The following SLC38A6 variants were observed in gnomAD, a reference collection of about 807,000 sequenced individuals.
The protein encoded by SLC38A6 is solute carrier family 38 member 6.
In SLC38A6, 73 loss-of-function variants were observed where a neutral mutation model predicts 65.0. That is an observed-to-expected ratio of 1.12 (90% CI 0.93 to 1.37). The LOEUF is 1.37. SLC38A6 is among the 40% of genes most tolerant of loss of function. The pLI is 0.00. For synonymous variants in SLC38A6, 183 were observed against 178.8 expected, an observed-to-expected ratio of 1.02 and a Z score of -0.19; for missense variants, 561 against 531.1, an observed-to-expected ratio of 1.06 and a Z score of -0.55.
At chr14:61,024,756 C>A (rs2040519973) in intron 5 of SLC38A6, among the ~76,000 whole-genome samples, 1 of 152,196 alleles carries the variant, frequency 6.6e-6, no homozygotes, top group Non-Finnish European at 1.5e-5. Context: ...TCCCAATCAT[C>A]TTCTTAGTCA....
At chr14:61,002,716 C>A (rs372235520) in intron 3 of SLC38A6, among the ~76,000 whole-genome samples, 3 of 152,074 alleles carry the variant, frequency 2.0e-5, no homozygotes, top group African/African-American at 7.2e-5. Flanking sequence ...AAATTTTCCC[C>A]GAATTTACTT....
intron 3 of SLC38A6, among the ~76,000 whole-genome samples, chr14:60,991,273 C>T (rs1209631187): frequency 6.6e-6 from 1 of 152,160 alleles, no homozygotes; most frequent in African/African-American, 2.4e-5. Context: ...ATTTATCTTC[C>T]AGTACTCCCT....
At position 60,989,560 on chromosome 14, in the gene SLC38A6, C is replaced by CA. The variant is rs796125029; in HGVS notation, c.310+4766dup. Among the ~76,000 whole-genome samples, 23 of 150,244 alleles carry CA rather than the reference C, an allele frequency of 1.5e-4. 2 individuals carry two copies. The highest frequency in any genetic ancestry group is 9.3e-4 in the Admixed American group (14 of 15,068). ...GCAACATGGTGAAACCCCATCTCTA[C>CA]AAAAAAAAATACAAAAATTTGTGTG... is the stretch of plus-strand genomic sequence containing the variant. On this transcript the variant is annotated intron_variant, in intron 3 of 15. Coordinates refer to ENST00000267488, the MANE Select transcript of SLC38A6 (RefSeq NM_153811.3).
intron 15 of SLC38A6, among the ~76,000 whole-genome samples, chr14:61,071,323 G>A (rs577526644): frequency 2.6e-5 from 4 of 152,122 alleles, no homozygotes; most frequent in South Asian, 2.1e-4. Flanking sequence ...CATTTAACTG[G>A]AATTCTGGGT....
intron 8 of SLC38A6, among the ~76,000 whole-genome samples, chr14:61,039,102 A>C (rs1268741164): frequency 6.6e-6 from 1 of 152,192 alleles, no homozygotes; most frequent in Non-Finnish European, 1.5e-5. Context: ...TTTCATAGCC[A>C]ATAGCTTAAA....
At chr14:61,029,430 T>C (rs1049840683) in intron 5 of SLC38A6, among the ~76,000 whole-genome samples, 2 of 152,116 alleles carry the variant, frequency 1.3e-5, no homozygotes, top group Non-Finnish European at 2.9e-5. Context: ...CTCTTTGTTC[T>C]TCATGGGCGT....
intron 3 of SLC38A6, among the ~76,000 whole-genome samples, chr14:60,992,734 T>C (rs930333552): frequency 9.9e-5 from 15 of 152,062 alleles, no homozygotes; most frequent in Non-Finnish European, 1.9e-4. Context: ...TTGTCCAGGA[T>C]GGAGTGCAGT....
chr14:61,055,130 A>G (rs1387179234), downstream of SLC38A6, among the ~76,000 whole-genome samples: 243 of 16,928 alleles, frequency 0.014, 2 homozygotes, highest in African/African-American at 0.037. Flanking sequence ...TTTTTTTTTT[A>G]TTATACTCTA....
At chr14:61,075,075 A>C (rs2043355652) in intron 15 of SLC38A6, among the ~76,000 whole-genome samples, 1 of 152,238 alleles carries the variant, frequency 6.6e-6, no homozygotes, top group African/African-American at 2.4e-5. Context: ...ACCACTCTGC[A>C]TAAAAGAGAA....
At chr14:60,985,432 A>G (rs2037384259) in intron 3 of SLC38A6, among the ~76,000 whole-genome samples, 1 of 152,242 alleles carries the variant, frequency 6.6e-6, no homozygotes. Context: ...ATAAAAGTAT[A>G]TGAATTATAG....
downstream of SLC38A6, chr14:61,053,013 G>A (rs1215827159): frequency 1.3e-5 from 2 of 151,774 alleles, no homozygotes; most frequent in African/African-American, 2.4e-5. Context: ...CATTAGTTAC[G>A]TTTTCTGCTC....
At chr14:61,011,938 GA>G (rs1411573731) in intron 3 of SLC38A6, among the ~76,000 whole-genome samples, 2 of 152,162 alleles carry the variant, frequency 1.3e-5, no homozygotes, top group African/African-American at 2.4e-5. Flanking sequence ...CTATTGATTG[GA>G]ATAGTTTCAG....
intron 5 of SLC38A6, among the ~76,000 whole-genome samples, chr14:61,023,590 T>TA (rs1486124093): frequency 1.2e-4 from 17 of 143,124 alleles, no homozygotes; most frequent in Admixed American, 8.5e-4. Context: ...ATAATAATAA[T>TA]ATATATATAT....
chr14:60,998,032 T>C (rs2038417551), intron 3 of SLC38A6, among the ~76,000 whole-genome samples: 1 of 150,812 alleles, frequency 6.6e-6, no homozygotes, highest in Non-Finnish European at 1.5e-5. Flanking sequence ...CATAGTCTAA[T>C]AGGGGAAACA....
intron 4 of SLC38A6, among the ~76,000 whole-genome samples, chr14:61,016,897 A>G (rs1246811322): frequency 6.6e-6 from 1 of 152,154 alleles, no homozygotes; most frequent in Non-Finnish European, 1.5e-5. Context: ...CATACTTACC[A>G]TTTTTTGTTT....
chr14:60,991,148 T>C (rs1013475681), intron 3 of SLC38A6, among the ~76,000 whole-genome samples: 2 of 152,200 alleles, frequency 1.3e-5, no homozygotes, highest in Non-Finnish European at 2.9e-5. Context: ...TAATGTAAGT[T>C]AGGTCATAGC....
At chr14:61,022,676 T>A (rs1006025521) in intron 5 of SLC38A6, among the ~76,000 whole-genome samples, 13 of 152,102 alleles carry the variant, frequency 8.5e-5, no homozygotes, top group African/African-American at 2.2e-4. Context: ...AACTTTTTTT[T>A]AAAAGAATGT....
intron 6 of SLC38A6, 24 bp downstream of exon 6, chr14:61,030,547 T>C (rs1335991399): frequency 6.9e-7 from 1 of 1,459,416 alleles, no homozygotes; most frequent in Non-Finnish European, 9.5e-7. Flanking sequence ...TTTTACATTG[T>C]GTCCGTTCAT....
intron 15 of SLC38A6, among the ~76,000 whole-genome samples, chr14:61,061,006 C>T (rs2042817747): frequency 6.6e-6 from 1 of 151,658 alleles, no homozygotes; most frequent in Non-Finnish European, 1.5e-5. Context: ...CACACACTGG[C>T]CTGCGCCCAC....
Sources: gnomAD v4.1 joint callset for allele counts (sites outside exome capture counted in the v4.1 genomes callset) on GRCh38, gnomAD v4.1.1 for gene constraint, MANE v1.5 for transcripts, NCBI Gene and HGNC (gene_info 2026-07-23, HGNC 2026-07-21) for gene names.